The following MC5R variants were observed in gnomAD, a reference collection of about 807,000 sequenced individuals.
MC5R encodes the protein melanocortin receptor 5.
For synonymous variants in MC5R, 167 were observed against 164.4 expected, an observed-to-expected ratio of 1.02 and a Z score of -0.12; for missense variants, 420 against 431.4, an observed-to-expected ratio of 0.97 and a Z score of 0.23.
intron 1 of MC5R, among the ~76,000 whole-genome samples, chr18:13,824,831 C>G (rs1236318411): frequency 6.6e-6 from 1 of 151,340 alleles, no homozygotes; most frequent in Non-Finnish European, 1.5e-5. Flanking sequence ...ATACTGTGCT[C>G]ACGCGGACCT....
At chr18:13,824,887 G>GCGAGGGAAAAATAGGTAT (rs1421477565) in intron 1 of MC5R, among the ~76,000 whole-genome samples, 1 of 151,864 alleles carries the variant, frequency 6.6e-6, no homozygotes, top group Admixed American at 6.6e-5. Flanking sequence ...TAATGCAGAA[G>GCGAGGGAAAAATAGGTAT]CGAGGGAAAA....
At chr18:13,824,650 C>A (rs1378340926) in intron 1 of MC5R, among the ~76,000 whole-genome samples, 1 of 152,030 alleles carries the variant, frequency 6.6e-6, no homozygotes, top group Non-Finnish European at 1.5e-5. Context: ...CCCTCACCCC[C>A]TCCCTCCCTC....
chr18:13,824,194 C>T lies in MC5R; in HGVS notation c.-120C>T, dbSNP rs995102258. 6.6e-6 allele frequency: 1 copy of T among 152,144 alleles called. No individual in the cohort carries two copies. The highest frequency in any genetic ancestry group is 2.4e-5 in the African/African-American group (1 of 41,410). The allele number at this position is 152,144 out of a possible 1,614,324, so 9.4% of individuals were successfully genotyped here. On this transcript the variant is annotated 5_prime_UTR_variant, in exon 1 of 2. Coordinates refer to ENST00000589410, the MANE Select transcript of MC5R (RefSeq NM_005913.3). ...GGGGGAGAGGCCCGTCCGGGGCTGGCTCTGAGCGCCGCACGGCCGTCGGAT... is the reference window on the plus strand; with the variant it reads ...GGGGGAGAGGCCCGTCCGGGGCTGGTTCTGAGCGCCGCACGGCCGTCGGAT...
Position 13,826,891 on chromosome 18 carries a change from T to G in MC5R, c.*148T>G, listed in dbSNP as rs1005511237. The G allele has an allele frequency of 9.0e-6, 7 of 775,936 alleles. No homozygotes were observed. The highest frequency in any genetic ancestry group is 1.4e-5 in the Non-Finnish European group (7 of 497,702). The allele number at this position is 775,936 out of a possible 1,614,324, so 48.1% of individuals were successfully genotyped here. A position where few individuals can be genotyped will look rare whatever the true frequency, so the allele number is the denominator to read the frequency against. On this transcript the variant is annotated 3_prime_UTR_variant, in exon 2 of 2. Transcript: ENST00000589410. ...GCCTAAGAGGCTCTCTCTGTTCAGT[T>G]CCTGGTGATTATGTCCAACATGCAA... is the stretch of plus-strand genomic sequence containing the variant.
In MC5R at chr18:13,826,651, G is replaced by A. The variant is rs188616061; in HGVS notation, c.886G>A (p.Ala296Thr). The change falls in exon 2 of 2, where the codon GCC (alanine) becomes ACC (threonine). Residue 296 changes from alanine to threonine, a missense_variant. Ala to Thr is a moderately conservative substitution (Grantham distance 58, BLOSUM62 0). Transcript: ENST00000589410. ...CNSVMDPLIY[A>T]FRSQEMRKTF... ...TTCCGTGATGGACCCTCTCATATAT[G>A]CCTTCCGCAGCCAAGAGATGCGGAA... The A allele has an allele frequency of 6.2e-7, 1 of 1,613,960 alleles. No individual in the cohort carries two copies. The highest frequency in any genetic ancestry group is 2.2e-5 in the East Asian group (1 of 44,882).
At chr18:13,825,029 CCTTA>C (rs146474469) in intron 1 of MC5R, among the ~76,000 whole-genome samples, 7,110 of 152,186 alleles carry the variant, frequency 0.047, 491 homozygotes, top group African/African-American at 0.15. Flanking sequence ...CTGGTTATAG[CCTTA>C]CTTACAGCTG....
Position 13,827,124 on chromosome 18 carries a change from C to T in MC5R, c.*381C>T, listed in dbSNP as rs1280260141. The T allele has an allele frequency of 5.6e-6, 1 of 179,330 alleles. No individual in the cohort carries two copies. The highest frequency in any genetic ancestry group is 1.2e-5 in the Non-Finnish European group (1 of 86,286). 11.1% of individuals were successfully genotyped at this position (179,330 alleles called of 1,614,324 possible). On this transcript the variant is annotated 3_prime_UTR_variant, in exon 2 of 2. Transcript: ENST00000589410. The stretch of plus-strand genomic sequence containing the variant: ...GCGAAGAAAACCGTGATATCGACGC[C>T]AGGTGGGATTGCTTCTTCTCCCCAG...
At chr18:13,824,976 A>C (rs1203948738) in intron 1 of MC5R, among the ~76,000 whole-genome samples, 1 of 152,212 alleles carries the variant, frequency 6.6e-6, no homozygotes, top group African/African-American at 2.4e-5. Flanking sequence ...AACTTAAGAC[A>C]GTAGCTTTTA....
Position 13,826,420 on chromosome 18 carries a change from A to C in MC5R, c.655A>C (p.Ile219Leu). The C allele has an allele frequency of 6.2e-7, 1 of 1,613,936 alleles. No homozygotes were observed. Among genetic ancestry groups the C allele is most frequent in the East Asian group, 2.2e-5 (1 of 44,862 alleles). Residue 219 changes from isoleucine (I) to leucine (L), a missense_variant, in exon 2 of 2, where the codon ATC becomes CTC. Physicochemically the swap from Ile to Leu is conservative, Grantham distance 5 (BLOSUM62 2). Transcript: ENST00000589410. Reference protein sequence around the residue: ...FLLARTHVKRIAALPGASSAR... With the variant: ...FLLARTHVKRLAALPGASSAR... Reference sequence around the variant, plus strand: ...CCTGGCGCGGACTCACGTCAAGCGGATCGCGGCTCTGCCCGGGGCCAGCTC... The same window carrying C: ...CCTGGCGCGGACTCACGTCAAGCGGCTCGCGGCTCTGCCCGGGGCCAGCTC...
Position 13,826,630 on chromosome 18 carries a change from G to A in MC5R, c.865G>A (p.Val289Met), listed in dbSNP as rs752314284. The A allele has an allele frequency of 9.3e-6, 15 of 1,613,922 alleles. No individual in the cohort carries two copies. The South Asian group carries it at 1.2e-4, about 13-fold the overall frequency. ...CCTCATACTCATCATGTGTAATTCC[G>A]TGATGGACCCTCTCATATATGCCTT... is the stretch of plus-strand genomic sequence containing the variant. Reference protein sequence around the residue: ...MYLILIMCNSVMDPLIYAFRS... With the variant: ...MYLILIMCNSMMDPLIYAFRS... Residue 289 changes from valine to methionine, a missense_variant, in exon 2 of 2, where the codon GTG becomes ATG. Coordinates refer to ENST00000589410, the MANE Select transcript of MC5R (RefSeq NM_005913.3).
At position 13,825,963 on chromosome 18, in the gene MC5R, C is replaced by T. The variant is rs1276861211; in HGVS notation, c.198C>T (p.Asn66=). The part of the protein sequence containing the change: ...LVIGAIVKNK[N]LHSPMYFFVC... The stretch of plus-strand genomic sequence containing the variant: ...TAGGGGCCATAGTGAAGAACAAAAA[C>T]CTGCACTCCCCCATGTACTTCTTCG... Residue 66 remains asparagine (N), a synonymous_variant, in exon 2 of 2, where the codon AAC becomes AAT. Transcript: ENST00000589410. 6.2e-7 allele frequency: 1 copy of T among 1,613,988 alleles called. No individual in the cohort carries two copies. The highest frequency in any genetic ancestry group is 8.5e-7 in the Non-Finnish European group (1 of 1,180,002).
intron 1 of MC5R, among the ~76,000 whole-genome samples, chr18:13,825,268 A>G (rs1214005647): frequency 6.6e-6 from 1 of 152,144 alleles, no homozygotes; most frequent in African/African-American, 2.4e-5. Flanking sequence ...CCCAGGAGAG[A>G]AGCCATAAAA....
chr18:13,825,817 G>A lies in MC5R; in HGVS notation c.52G>A (p.Glu18Lys), dbSNP rs1315433509. 1 of 1,607,668 alleles carries A rather than the reference G, an allele frequency of 6.2e-7. No homozygotes were observed. The highest frequency in any genetic ancestry group is 8.5e-7 in the Non-Finnish European group (1 of 1,177,956). The change falls in exon 2 of 2, where the codon GAG becomes AAG. Residue 18 changes from glutamate (E) to lysine (K), a missense_variant. Physicochemically the swap from Glu to Lys is moderately conservative, Grantham distance 56. Transcript: ENST00000589410. The part of the protein sequence containing the change: ...HFLDLNLNAT[E>K]GNLSGPNVKN... ...CTTGGATCTCAACCTGAATGCCACAGAGGGCAACCTTTCAGGACCCAATGT... is the reference window on the plus strand; with the variant it reads ...CTTGGATCTCAACCTGAATGCCACAAAGGGCAACCTTTCAGGACCCAATGT...
rs965456796 is a variant in MC5R, at chr18:13,826,369, G to T, written c.604G>T (p.Val202Leu). Residue 202 changes from valine (V) to leucine (L), a missense_variant, in exon 2 of 2, where the codon GTG (valine) becomes TTG (leucine). By Grantham distance (32) the Val-to-Leu change is conservative (BLOSUM62 1). Transcript: ENST00000589410. Reference sequence around the variant, plus strand: ...GTTCTTCGCTATGCTGTTCCTCCTGGTGTCTCTGTACATACACATGTTCCT... The same window carrying T: ...GTTCTTCGCTATGCTGTTCCTCCTGTTGTCTCTGTACATACACATGTTCCT... ...SMFFAMLFLL[V>L]SLYIHMFLLA... 6.2e-7 allele frequency: 1 copy of T among 1,614,104 alleles called. No individual in the cohort carries two copies.
At position 13,826,638 on chromosome 18, in the gene MC5R, C is replaced by T. The variant is rs2044932501; in HGVS notation, c.873C>T (p.Asp291=). 1 of 1,613,964 alleles carries T rather than the reference C, an allele frequency of 6.2e-7. No individual in the cohort carries two copies. Among genetic ancestry groups the T allele is most frequent in the African/African-American group, 1.3e-5 (1 of 74,902 alleles). ...LILIMCNSVM[D]PLIYAFRSQE... ...TCATCATGTGTAATTCCGTGATGGACCCTCTCATATATGCCTTCCGCAGCC... is the reference window on the plus strand; with the variant it reads ...TCATCATGTGTAATTCCGTGATGGATCCTCTCATATATGCCTTCCGCAGCC... The change falls in exon 2 of 2, where the codon GAC becomes GAT. Residue 291 remains aspartate (D), a synonymous_variant. Transcript: ENST00000589410.
rs755312588 is a variant in MC5R at position 13,826,658 on chromosome 18, GCAGCCAAGA to G, written c.894_902del (p.Ser299_Glu301del). On this transcript the variant is annotated inframe_deletion, in exon 2 of 2. Coordinates refer to ENST00000589410, the MANE Select transcript of MC5R (RefSeq NM_005913.3). ...ATGGACCCTCTCATATATGCCTTCC[GCAGCCAAGA>G]GATGCGGAAGACCTTTAAGGAGATT... 5 of 1,613,860 alleles carry G rather than the reference GCAGCCAAGA, an allele frequency of 3.1e-6. No individual in the cohort carries two copies. The Admixed American group carries it at 8.3e-5, about 27-fold the overall frequency.
Position 13,825,322 on chromosome 18 carries a change from A to G in MC5R, c.-39-405A>G, listed in dbSNP as rs192522195. Reference sequence around the variant, plus strand: ...ACTTGGAGGTGAGTGTCTCTCTAGTAAGATGCATGTGAAAGGCTGGGAGCT... The same window carrying G: ...ACTTGGAGGTGAGTGTCTCTCTAGTGAGATGCATGTGAAAGGCTGGGAGCT... On this transcript the variant is annotated intron_variant, in intron 1 of 1. Transcript: ENST00000589410. Among the ~76,000 whole-genome samples the G allele has an allele frequency of 1.5e-4, 23 of 152,246 alleles. No homozygotes were observed. The East Asian group carries it at 4.4e-3, about 29-fold the overall frequency.
In MC5R at chr18:13,826,467, G is replaced by A. The variant is rs1373105783; in HGVS notation, c.702G>A (p.Met234Ile). The change falls in exon 2 of 2, where the codon ATG (methionine) becomes ATA (isoleucine). Residue 234 changes from methionine (M) to isoleucine (I), a missense_variant. Met to Ile is a conservative substitution (Grantham distance 10, BLOSUM62 1). Coordinates refer to ENST00000589410, the MANE Select transcript of MC5R (RefSeq NM_005913.3). ...GASSARQRTS[M>I]QGAVTVTMLL... ...GCTCTGCGCGGCAGAGGACCAGCAT[G>A]CAGGGCGCGGTCACCGTCACCATGC... The A allele has an allele frequency of 3.7e-6, 6 of 1,613,722 alleles. No homozygotes were observed. The highest frequency in any genetic ancestry group is 5.1e-6 in the Non-Finnish European group (6 of 1,179,686).
At chr18:13,825,504 A>C in intron 1 of MC5R, 1 of 349,658 alleles carries the variant, frequency 2.9e-6, no homozygotes, top group Non-Finnish European at 5.1e-6. Flanking sequence ...CTGAGAGAGA[A>C]GATCGCTTGT....
Sources: gnomAD v4.1 joint callset for allele counts (sites outside exome capture counted in the v4.1 genomes callset) on GRCh38, gnomAD v4.1.1 for gene constraint, MANE v1.5 for transcripts, NCBI Gene and HGNC (gene_info 2026-07-23, HGNC 2026-07-21) for gene names.